The following HNF1B variants were observed in gnomAD, a reference collection of about 807,000 sequenced individuals.
HNF1B encodes hepatocyte nuclear factor 1-beta.
A neutral mutation model predicts 61.7 loss-of-function variants in HNF1B; 8 were observed. The ratio of observed to expected loss-of-function variants is 0.13; its 90% CI spans 0.08 to 0.23. The LOEUF is 0.23. Among genes scored for constraint, HNF1B ranks in the 10% least tolerant of loss-of-function variants. The pLI is 1.00. For missense variants in HNF1B, 562 were observed against 714.5 expected (o/e 0.79, Z 2.43); for synonymous variants, 314 against 287.7 (o/e 1.09, Z -0.93).
chr17:37,698,873 G>T (rs1476232422), intron 8 of HNF1B, among the ~76,000 whole-genome samples: 4 of 151,614 alleles, frequency 2.6e-5, no homozygotes. Context: ...TCTTCCTGGG[G>T]AATCTGGGGG....
At position 37,719,787 on chromosome 17, in the gene HNF1B, T is replaced by C. The variant is rs528374131; in HGVS notation, c.1046-9124A>G. 3.3e-5 allele frequency among the ~76,000 whole-genome samples: 5 copies of C among 152,310 alleles called. No individual in the cohort carries two copies. The South Asian group carries it at 8.3e-4, about 25-fold the overall frequency. On this transcript the variant is annotated intron_variant, in intron 4 of 8. Coordinates refer to ENST00000617811, the MANE Select transcript of HNF1B (RefSeq NM_000458.4). ...ATCTGTATTGTGACTGAAGGGCTAA[T>C]AAAATTGCCTTAGAAAAGAGAGGTT...
chr17:37,695,006 T>C (rs1482310477), intron 8 of HNF1B, among the ~76,000 whole-genome samples: 1 of 152,180 alleles, frequency 6.6e-6, no homozygotes, highest in Non-Finnish European at 1.5e-5. Context: ...CTAGAGAGAT[T>C]AGCTTGACTA....
intron 4 of HNF1B, chr17:37,731,016 TTTTTCCC>T: frequency 5.8e-6 from 1 of 173,708 alleles, no homozygotes; most frequent in Admixed American, 5.4e-5. Flanking sequence ...ACTCGGTCAG[TTTTTCCC>T]AACTCATTGC....
intron 1 of HNF1B, among the ~76,000 whole-genome samples, chr17:37,741,165 C>T (rs7501939): frequency 0.41 from 62,207 of 151,910 alleles, 13,289 homozygotes; most frequent in African/African-American, 0.51. Flanking sequence ...ATAGATACAG[C>T]ATTGCAACAT....
intron 6 of HNF1B, among the ~76,000 whole-genome samples, chr17:37,702,437 T>C (rs1464696050): frequency 2.6e-5 from 4 of 152,136 alleles, no homozygotes; most frequent in African/African-American, 7.2e-5. Context: ...CACCCTCTGA[T>C]CACCCTCAGA....
rs1270401103 is a variant in HNF1B at position 37,731,674 on chromosome 17, C to T, written c.966G>A (p.Gln322=). ...AGAGCAGAGGGTTCAGGCTGTGAGTCTGGTTGGAGCTATAGGCGTCCATGG... is the reference window on the plus strand; with the variant it reads ...AGAGCAGAGGGTTCAGGCTGTGAGTTTGGTTGGAGCTATAGGCGTCCATGG... ...KLAMDAYSSN[Q]THSLNPLLSH... The change falls in exon 4 of 9, where the codon CAG becomes CAA. Residue 322 remains glutamine (Q), a synonymous_variant. Coordinates refer to ENST00000617811, the MANE Select transcript of HNF1B (RefSeq NM_000458.4). 1.2e-6 allele frequency: 2 copies of T among 1,614,114 alleles called. No homozygotes were observed. The highest frequency in any genetic ancestry group is 4.5e-5 in the East Asian group (2 of 44,878).
chr17:37,720,295 T>C (rs1209767445), intron 4 of HNF1B, among the ~76,000 whole-genome samples: 1 of 152,162 alleles, frequency 6.6e-6, no homozygotes, highest in Non-Finnish European at 1.5e-5. Context: ...ATGAAAGTAG[T>C]AGAACATTAA....
intron 4 of HNF1B, among the ~76,000 whole-genome samples, chr17:37,718,303 G>A (rs996573560): frequency 3.9e-5 from 6 of 152,130 alleles, no homozygotes; most frequent in Admixed American, 2.6e-4. Flanking sequence ...GGGCCACCAC[G>A]CCTCATCCTT....
At chr17:37,695,470 C>T (rs1257072497) in intron 8 of HNF1B, among the ~76,000 whole-genome samples, 1 of 152,198 alleles carries the variant, frequency 6.6e-6, no homozygotes, top group East Asian at 1.9e-4. Context: ...GGATTGGAGC[C>T]CCACCCGCCC....
At chr17:37,737,422 G>A (rs1469330985) in intron 2 of HNF1B, among the ~76,000 whole-genome samples, 1 of 152,190 alleles carries the variant, frequency 6.6e-6, no homozygotes, top group Non-Finnish European at 1.5e-5. Flanking sequence ...CTGGAGAAAA[G>A]AACCTATGTA....
intron 5 of HNF1B, among the ~76,000 whole-genome samples, chr17:37,705,979 G>A (rs2032733907): frequency 1.3e-5 from 2 of 151,888 alleles, no homozygotes; most frequent in African/African-American, 4.8e-5. Context: ...CTTTTTTTGA[G>A]GTGGAGTCCA....
intron 4 of HNF1B, among the ~76,000 whole-genome samples, chr17:37,723,153 C>T (rs907653178): frequency 6.6e-6 from 1 of 151,018 alleles, no homozygotes; most frequent in Non-Finnish European, 1.5e-5. Flanking sequence ...TCCTGGCTAA[C>T]ACGGTGAAAC....
At chr17:37,701,447 A>G (rs1394202059) in intron 6 of HNF1B, among the ~76,000 whole-genome samples, 2 of 152,194 alleles carry the variant, frequency 1.3e-5, no homozygotes, top group African/African-American at 4.8e-5. Context: ...TGACCTCCCA[A>G]ACTTAGCTCT....
chr17:37,690,421 T>C (rs2032159825), intron 8 of HNF1B, among the ~76,000 whole-genome samples: 1 of 152,176 alleles, frequency 6.6e-6, no homozygotes, highest in South Asian at 2.1e-4. Flanking sequence ...GGGATTGACA[T>C]GCTTGATGTC....
intron 4 of HNF1B, among the ~76,000 whole-genome samples, chr17:37,723,240 G>C (rs1045931590): frequency 1.3e-5 from 2 of 151,768 alleles, no homozygotes; most frequent in African/African-American, 2.4e-5. Context: ...CCAGCTACTC[G>C]GGAGGCTGAG....
intron 4 of HNF1B, chr17:37,731,366 C>G (rs2033675515): frequency 1.5e-6 from 1 of 656,584 alleles, no homozygotes; most frequent in African/African-American, 1.8e-5. Context: ...GTAAAGGGCT[C>G]CCTGGAAGCC....
At chr17:37,735,518 G>A (rs2033808331) in intron 2 of HNF1B, among the ~76,000 whole-genome samples, 1 of 152,130 alleles carries the variant, frequency 6.6e-6, no homozygotes, top group Non-Finnish European at 1.5e-5. Flanking sequence ...GCCACCTTAG[G>A]GCTCTGTTTT....
intron 1 of HNF1B, among the ~76,000 whole-genome samples, chr17:37,743,656 G>A (rs2034071477): frequency 6.6e-6 from 1 of 152,202 alleles, no homozygotes; most frequent in African/African-American, 2.4e-5. Flanking sequence ...TCAGGGAACC[G>A]CTCGGCTCCT....
At position 37,700,977 on chromosome 17, in the gene HNF1B, C is replaced by T; in HGVS notation, c.1534+6G>A. 3 of 1,554,668 alleles carry T rather than the reference C, an allele frequency of 1.9e-6. No homozygotes were observed. Among genetic ancestry groups the T allele is most frequent in the Non-Finnish European group, 2.6e-6 (3 of 1,149,190 alleles). ...GCTCCCTCCCTCCACATGCCCGTGTCCTTACTGTGTGAGTTCTGCAGCTGA... is the reference window on the plus strand; with the variant it reads ...GCTCCCTCCCTCCACATGCCCGTGTTCTTACTGTGTGAGTTCTGCAGCTGA... On this transcript the variant is annotated splice_donor_region_variant and intron_variant, in intron 7 of 8. Transcript: ENST00000617811.
Sources: allele counts gnomAD v4.1 joint callset (sites outside exome capture counted in the v4.1 genomes callset), GRCh38; gene constraint gnomAD v4.1.1; transcripts MANE v1.5; gene names NCBI Gene and HGNC (gene_info 2026-07-23, HGNC 2026-07-21).